The following XKR6 variants were observed in gnomAD, a reference collection of about 807,000 sequenced individuals.
XKR6 encodes XK related 6.
Under a neutral mutation model 56.7 loss-of-function variants are expected in XKR6, and 22 were observed. The observed-to-expected ratio is 0.39, with a 90% confidence interval of 0.28 to 0.55. The LOEUF (loss-of-function observed/expected upper bound fraction) is 0.55, where lower values mean the gene tolerates loss of function less well. XKR6 is among the 20% of genes least tolerant of loss of function. The pLI, the probability that XKR6 is intolerant of heterozygous loss-of-function variation, is 0.66. For missense variants in XKR6, 852 were observed against 889.0 expected, an observed-to-expected ratio of 0.96 and a Z score of 0.53; for synonymous variants, 524 against 387.8, an observed-to-expected ratio of 1.35 and a Z score of -4.13.
chr8:11,121,869 G>C (rs1213707882), intron 1 of XKR6, among the ~76,000 whole-genome samples: 1 of 152,182 alleles, frequency 6.6e-6, no homozygotes, highest in Non-Finnish European at 1.5e-5. Flanking sequence ...AAAATGATGA[G>C]TTCATGTCCT....
intron 1 of XKR6, among the ~76,000 whole-genome samples, chr8:10,986,225 C>A (rs1797861483): frequency 6.6e-6 from 1 of 152,110 alleles, no homozygotes; most frequent in African/African-American, 2.4e-5. Context: ...GATTCGACAT[C>A]TGGAGAAAAT....
intron 2 of XKR6, among the ~76,000 whole-genome samples, chr8:10,918,219 C>T (rs566730114): frequency 2.6e-5 from 4 of 152,188 alleles, no homozygotes; most frequent in Non-Finnish European, 4.4e-5. Flanking sequence ...TTGTCCTAGA[C>T]CCATCCCCTT....
At chr8:11,027,320 G>C (rs974318857) in intron 1 of XKR6, among the ~76,000 whole-genome samples, 12 of 152,064 alleles carry the variant, frequency 7.9e-5, no homozygotes, top group African/African-American at 2.7e-4. Context: ...ATGTATATTG[G>C]GTTAAATAAA....
At chr8:10,965,618 C>A (rs943252711) in intron 1 of XKR6, among the ~76,000 whole-genome samples, 2 of 152,246 alleles carry the variant, frequency 1.3e-5, no homozygotes, top group African/African-American at 4.8e-5. Context: ...AACCAAGGCA[C>A]CAAACAGCTC....
At chr8:11,094,258 G>A (rs1047689173) in intron 1 of XKR6, among the ~76,000 whole-genome samples, 18 of 152,038 alleles carry the variant, frequency 1.2e-4, no homozygotes, top group South Asian at 2.1e-4. Context: ...TATGTATCTC[G>A]GCTCACTGCA....
chr8:11,119,555 A>G (rs1799346040), intron 1 of XKR6, among the ~76,000 whole-genome samples: 1 of 152,138 alleles, frequency 6.6e-6, no homozygotes, highest in Non-Finnish European at 1.5e-5. Flanking sequence ...TCCCTTTACC[A>G]TTATGTAATG....
intron 1 of XKR6, among the ~76,000 whole-genome samples, chr8:11,169,785 T>C (rs867418075): frequency 1.8e-4 from 28 of 152,224 alleles, no homozygotes; most frequent in Admixed American, 5.9e-4. Flanking sequence ...ACTGTTTCTT[T>C]GCCTTTTGGC....
intron 1 of XKR6, among the ~76,000 whole-genome samples, chr8:11,103,656 G>A (rs1798570156): frequency 6.6e-6 from 1 of 152,154 alleles, no homozygotes; most frequent in African/African-American, 2.4e-5. Flanking sequence ...GAACTTCTGA[G>A]ATACTATTTG....
intron 1 of XKR6, among the ~76,000 whole-genome samples, chr8:11,101,408 G>T (rs1048542487): frequency 5.9e-5 from 9 of 152,196 alleles, no homozygotes; most frequent in African/African-American, 2.2e-4. Context: ...ACAATGAATG[G>T]AGTATTAGCA....
chr8:10,913,896 C>A (rs1046241402), intron 2 of XKR6, among the ~76,000 whole-genome samples: 50 of 152,264 alleles, frequency 3.3e-4, no homozygotes, highest in African/African-American at 1.2e-3. Context: ...GGACCTGCGA[C>A]GGGGGCCCCA....
chr8:11,061,433 T>C (rs1368064306), intron 1 of XKR6, among the ~76,000 whole-genome samples: 1 of 150,738 alleles, frequency 6.6e-6, no homozygotes, highest in Non-Finnish European at 1.5e-5. Flanking sequence ...TGCCACTGCA[T>C]GCCAGTCAGG....
chr8:11,111,682 G>T (rs1387289658), intron 1 of XKR6: 1 of 152,046 alleles, frequency 6.6e-6, no homozygotes, highest in African/African-American at 2.4e-5. Flanking sequence ...CACTAATACT[G>T]ATAGCTGATA....
At chr8:11,151,172 G>GAT (rs1436181976) in intron 1 of XKR6, among the ~76,000 whole-genome samples, 1 of 152,088 alleles carries the variant, frequency 6.6e-6, no homozygotes, top group Non-Finnish European at 1.5e-5. Context: ...ATACTCATTG[G>GAT]ATATTTGGAA....
chr8:11,139,376 G>A (rs929756392), intron 1 of XKR6, among the ~76,000 whole-genome samples: 1 of 152,120 alleles, frequency 6.6e-6, no homozygotes, highest in Non-Finnish European at 1.5e-5. Context: ...AGCAGTCACT[G>A]CCCCTGCACC....
At chr8:11,197,014 T>C (rs1429152103) in intron 1 of XKR6, among the ~76,000 whole-genome samples, 3 of 152,074 alleles carry the variant, frequency 2.0e-5, no homozygotes, top group Non-Finnish European at 4.4e-5. Context: ...CAGTCTCAAA[T>C]CAGAAAACAA....
intron 2 of XKR6, among the ~76,000 whole-genome samples, chr8:10,908,721 T>C (rs776272317): frequency 4.6e-5 from 7 of 152,152 alleles, no homozygotes; most frequent in Non-Finnish European, 1.0e-4. Context: ...AAAATTCATA[T>C]GGTGGGAACT....
chr8:11,112,785 C>T (rs1304084382), intron 1 of XKR6, among the ~76,000 whole-genome samples: 1 of 152,182 alleles, frequency 6.6e-6, no homozygotes, highest in Non-Finnish European at 1.5e-5. Flanking sequence ...GCCCAGATTT[C>T]CATGGCCAGC....
intron 1 of XKR6, among the ~76,000 whole-genome samples, chr8:11,087,965 A>C (rs924746692): frequency 6.6e-6 from 1 of 152,270 alleles, no homozygotes; most frequent in Non-Finnish European, 1.5e-5. Flanking sequence ...CCATTAAAAC[A>C]AACAACTTGC....
chr8:11,174,594 T>C (rs1455148481), intron 1 of XKR6, among the ~76,000 whole-genome samples: 1 of 152,220 alleles, frequency 6.6e-6, no homozygotes, highest in Non-Finnish European at 1.5e-5. Flanking sequence ...ATTATTATAA[T>C]TAGACATTCT....
Sources: allele counts gnomAD v4.1 joint callset (sites outside exome capture counted in the v4.1 genomes callset), GRCh38; gene constraint gnomAD v4.1.1; transcripts MANE v1.5; gene names NCBI Gene and HGNC (gene_info 2026-07-23, HGNC 2026-07-21).